Variants in GRM7 observed in about 807,000 individuals in gnomAD.
GRM7 encodes metabotropic glutamate receptor 7.
A neutral mutation model predicts 84.5 loss-of-function variants in GRM7; 35 were observed. The ratio of observed to expected loss-of-function variants is 0.41; its 90% CI spans 0.32 to 0.55. GRM7 has a LOEUF of 0.55. Ranked by LOEUF, GRM7 falls within the 20% of genes least tolerant of loss-of-function variation. The probability of loss-of-function intolerance (pLI) is 0.19; values close to 1 mark genes in which losing one functional copy is unlikely to be tolerated. For missense variants in GRM7, 1,003 were observed against 1,194.6 expected, an observed-to-expected ratio of 0.84 and a Z score of 2.36; for synonymous variants, 487 against 455.1, an observed-to-expected ratio of 1.07 and a Z score of -0.89.
intron 7 of GRM7, among the ~76,000 whole-genome samples, chr3:7,551,611 A>G (rs1046331677): frequency 2.7e-5 from 4 of 149,962 alleles, no homozygotes; most frequent in South Asian, 4.2e-4. Flanking sequence ...ATATAAAATT[A>G]TATATATTTT....
chr3:7,487,299 G>A (rs1699357134), intron 7 of GRM7, among the ~76,000 whole-genome samples: 1 of 152,184 alleles, frequency 6.6e-6, no homozygotes, highest in Non-Finnish European at 1.5e-5. Flanking sequence ...AAAATTTGCA[G>A]ACTTAACCAT....
chr3:7,551,197 C>T (rs1314092468), intron 7 of GRM7, among the ~76,000 whole-genome samples: 2 of 152,124 alleles, frequency 1.3e-5, no homozygotes, highest in Non-Finnish European at 2.9e-5. Flanking sequence ...CCTTAAGGGG[C>T]AGAGGAAAAT....
chr3:7,092,908 C>T (rs998815559), intron 1 of GRM7, among the ~76,000 whole-genome samples: 1 of 152,108 alleles, frequency 6.6e-6, no homozygotes, highest in Non-Finnish European at 1.5e-5. Flanking sequence ...CATAGTGACA[C>T]CCCATTTCTA....
intron 9 of GRM7, among the ~76,000 whole-genome samples, chr3:7,734,950 G>A (rs1702455256): frequency 1.3e-5 from 2 of 152,158 alleles, no homozygotes; most frequent in Admixed American, 6.5e-5. Flanking sequence ...AGATGTTGAA[G>A]AGAACATCTA....
At chr3:7,301,227 T>A (rs1232850782) in intron 3 of GRM7, among the ~76,000 whole-genome samples, 3 of 152,178 alleles carry the variant, frequency 2.0e-5, no homozygotes, top group Admixed American at 2.0e-4. Context: ...TTTCAAGCAT[T>A]CCCTTCTCCA....
chr3:7,549,101 C>G lies in GRM7; in HGVS notation c.1516-29321C>G, dbSNP rs766222701. On this transcript the variant is annotated intron_variant, in intron 7 of 9. Coordinates refer to ENST00000357716, the MANE Select transcript of GRM7 (RefSeq NM_000844.4). The stretch of plus-strand genomic sequence containing the variant: ...CTATCTCTTACCATCACATGCCAGC[C>G]TATGAGAGAGCTAACTATTAGAATT... Among the ~76,000 whole-genome samples, 30 of 152,198 alleles carry G rather than the reference C, an allele frequency of 2.0e-4. No homozygotes were observed. The Middle Eastern group carries it at 0.024, about 121-fold the overall frequency.
At chr3:7,236,113 A>T (rs1438447601) in intron 2 of GRM7, among the ~76,000 whole-genome samples, 2 of 152,184 alleles carry the variant, frequency 1.3e-5, no homozygotes, top group Non-Finnish European at 2.9e-5. Context: ...TCCCTCCTCA[A>T]GTCCTTTTAT....
chr3:7,279,127 A>G (rs1419864200), intron 2 of GRM7, among the ~76,000 whole-genome samples: 2 of 152,222 alleles, frequency 1.3e-5, no homozygotes, highest in Non-Finnish European at 2.9e-5. Context: ...CACAGTTGAC[A>G]TAAGGGCTGG....
intron 7 of GRM7, among the ~76,000 whole-genome samples, chr3:7,570,426 C>T (rs904314517): frequency 1.2e-4 from 19 of 152,186 alleles, no homozygotes; most frequent in African/African-American, 3.1e-4. Context: ...AGCCATTCCA[C>T]ATGGGAGAAA....
At chr3:6,979,855 T>C (rs1208330189) in intron 1 of GRM7, among the ~76,000 whole-genome samples, 2 of 152,226 alleles carry the variant, frequency 1.3e-5, no homozygotes, top group Non-Finnish European at 2.9e-5. Context: ...TTATCTGTGA[T>C]TATCAATCTG....
chr3:7,664,905 A>G (rs1001426791), intron 8 of GRM7, among the ~76,000 whole-genome samples: 4 of 152,112 alleles, frequency 2.6e-5, no homozygotes, highest in African/African-American at 9.7e-5. Flanking sequence ...TTCATATTAT[A>G]ACCACACATC....
chr3:7,515,487 T>C lies in GRM7; in HGVS notation c.1515+53765T>C, dbSNP rs568808741. On this transcript the variant is annotated intron_variant, in intron 7 of 9. Transcript: ENST00000357716. The stretch of plus-strand genomic sequence containing the variant: ...ACCCCATTGAGGAGCACTGTCCTGG[T>C]TCCTGCCCTATAATTTTAAGCCATT... Among the ~76,000 whole-genome samples the C allele has an allele frequency of 6.5e-4, 99 of 152,286 alleles. No homozygotes were observed. In the South Asian group the frequency reaches 0.012, roughly 19 times the overall value.
intron 1 of GRM7, among the ~76,000 whole-genome samples, chr3:6,926,171 T>C (rs1697291407): frequency 6.6e-6 from 1 of 152,164 alleles, no homozygotes; most frequent in South Asian, 2.1e-4. Flanking sequence ...AAAAACAATA[T>C]AGAATAGCAT....
In GRM7 at chr3:7,107,055, A is replaced by G. The variant is rs138167950; in HGVS notation, c.520-39397A>G. Among the ~76,000 whole-genome samples, 139 of 152,142 alleles carry G rather than the reference A, an allele frequency of 9.1e-4. No homozygotes were observed. In the East Asian group the frequency reaches 0.019, roughly 20 times the overall value. On this transcript the variant is annotated intron_variant, in intron 1 of 9. Transcript: ENST00000357716. ...AAACTCACACAAAACCTAGGGGGCT[A>G]TGACACCTGAGGGACAGGATAGCCT...
intron 1 of GRM7, among the ~76,000 whole-genome samples, chr3:7,014,118 C>G (rs2124900051): frequency 6.6e-6 from 1 of 152,106 alleles, no homozygotes; most frequent in South Asian, 2.1e-4. Context: ...CTGTGGATGC[C>G]TGTCTTAAAG....
chr3:7,452,143 T>C (rs1697797070), intron 5 of GRM7, among the ~76,000 whole-genome samples: 1 of 152,172 alleles, frequency 6.6e-6, no homozygotes, highest in Non-Finnish European at 1.5e-5. Flanking sequence ...GTTTCTAGCC[T>C]GAGCATCTGA....
intron 7 of GRM7, among the ~76,000 whole-genome samples, chr3:7,551,861 A>G (rs1308046667): frequency 6.6e-6 from 1 of 152,188 alleles, no homozygotes; most frequent in African/African-American, 2.4e-5. Flanking sequence ...TATTAAGGAA[A>G]GAAGTTTAAT....
chr3:6,878,378 C>CATGTGTGTGTGTGTGTGTGT (rs58886076), intron 1 of GRM7, among the ~76,000 whole-genome samples: 8 of 141,968 alleles, frequency 5.6e-5, no homozygotes, highest in African/African-American at 1.8e-4. Flanking sequence ...TATGTGTTTG[C>CATGTGTGTGTGTGTGTGTGT]GTGTGTGTGT....
intron 1 of GRM7, among the ~76,000 whole-genome samples, chr3:6,927,697 A>G (rs1697363099): frequency 6.6e-6 from 1 of 152,172 alleles, no homozygotes; most frequent in Non-Finnish European, 1.5e-5. Flanking sequence ...CAGTTTAATA[A>G]TGTTAAGATA....
Sources: gnomAD v4.1 joint callset for allele counts (sites outside exome capture counted in the v4.1 genomes callset) on GRCh38, gnomAD v4.1.1 for gene constraint, MANE v1.5 for transcripts, NCBI Gene and HGNC (gene_info 2026-07-23, HGNC 2026-07-21) for gene names.